The following STK33 variants were observed in gnomAD, a reference collection of about 807,000 sequenced individuals.
STK33 encodes the protein serine/threonine-protein kinase 33.
A neutral mutation model predicts 58.0 loss-of-function variants in STK33; 52 were observed. The ratio of observed to expected loss-of-function variants is 0.90; its 90% CI spans 0.72 to 1.13. The LOEUF is 1.13. STK33 is among the 50% of genes most tolerant of loss of function. The probability of loss-of-function intolerance (pLI) is 0.00; values close to 1 mark genes in which losing one functional copy is unlikely to be tolerated. For missense variants in STK33, 630 were observed against 604.2 expected, an observed-to-expected ratio of 1.04 and a Z score of -0.45; for synonymous variants, 215 against 200.1, an observed-to-expected ratio of 1.07 and a Z score of -0.63.
intron 1 of STK33, among the ~76,000 whole-genome samples, chr11:8,558,269 T>G (rs893448016): frequency 3.3e-5 from 5 of 152,154 alleles, no homozygotes; most frequent in Admixed American, 6.6e-5. Context: ...TTCAAAGAGA[T>G]ATAGTCAGTT....
At chr11:8,374,372 C>T in the STK33 span, among the ~76,000 whole-genome samples, 1 of 152,198 alleles carries the variant, frequency 6.6e-6, no homozygotes, top group African/African-American at 2.4e-5. Flanking sequence ...TAATAAAATA[C>T]CACAAACCGT....
Position 8,454,748 on chromosome 11 carries a change from A to T in STK33, c.782T>A (p.Ile261Lys). 6.4e-7 allele frequency: 1 copy of T among 1,570,296 alleles called. No homozygotes were observed. Among genetic ancestry groups the T allele is most frequent in the Non-Finnish European group, 8.6e-7 (1 of 1,157,726 alleles). Residue 261 changes from isoleucine to lysine, a missense_variant, in exon 10 of 16, where the codon ATA (isoleucine) becomes AAA (lysine). Coordinates refer to ENST00000687296, the MANE Select transcript of STK33 (RefSeq NM_001352389.2). The part of the protein sequence containing the change: ...IDDNNEINLN[I>K]KVTDFGLAVK... ...TACCACCATTGCTAATCTTACCTTT[A>T]TGTTTAAGTTTATTTCATTGTTATC...
At chr11:8,489,948 A>G (rs1346128805) in intron 1 of STK33, among the ~76,000 whole-genome samples, 1 of 152,150 alleles carries the variant, frequency 6.6e-6, no homozygotes, top group East Asian at 1.9e-4. Context: ...ACAGGATCCC[A>G]TTCCAAGATG....
the STK33 span, among the ~76,000 whole-genome samples, chr11:8,373,199 G>A: frequency 3.3e-5 from 5 of 152,156 alleles, no homozygotes; most frequent in South Asian, 4.1e-4. Flanking sequence ...AGAAGGACGC[G>A]AGGCCTCTGA....
chr11:8,413,441 G>A, intron 15 of STK33, 54 bp downstream of exon 15: 1 of 1,582,968 alleles, frequency 6.3e-7, no homozygotes, highest in Middle Eastern at 1.7e-4. Context: ...AAATGTTCCA[G>A]GTGTGGTGAG....
At chr11:8,500,958 T>A (rs533634497) in intron 1 of STK33, among the ~76,000 whole-genome samples, 1 of 152,128 alleles carries the variant, frequency 6.6e-6, no homozygotes, top group Non-Finnish European at 1.5e-5. Flanking sequence ...AACAGTCTTT[T>A]CAGCAAATGG....
At chr11:8,492,132 T>TAAATGTA (rs1950667281) in intron 1 of STK33, among the ~76,000 whole-genome samples, 1 of 152,150 alleles carries the variant, frequency 6.6e-6, no homozygotes, top group Non-Finnish European at 1.5e-5. Flanking sequence ...ATGCCCCAAT[T>TAAATGTA]AAAAGACACA....
chr11:8,352,371 G>C, the STK33 span, among the ~76,000 whole-genome samples: 2 of 152,160 alleles, frequency 1.3e-5, no homozygotes, highest in African/African-American at 4.8e-5. Context: ...TCCCAGGACT[G>C]TGGTATTGTC....
intron 11 of STK33, among the ~76,000 whole-genome samples, chr11:8,448,884 T>A (rs78012841): frequency 0.39 from 58,874 of 151,554 alleles, 12,218 homozygotes; most frequent in South Asian, 0.56. Context: ...AATCTACTCA[T>A]CTGACAAAGG....
At chr11:8,584,310 G>A (rs958284853) in intron 1 of STK33, among the ~76,000 whole-genome samples, 1 of 152,102 alleles carries the variant, frequency 6.6e-6, no homozygotes, top group Admixed American at 6.6e-5. Flanking sequence ...GAGGATTCCA[G>A]AACAAAGTCC....
At chr11:8,426,748 G>T (rs1942819874) in intron 14 of STK33, among the ~76,000 whole-genome samples, 1 of 151,800 alleles carries the variant, frequency 6.6e-6, no homozygotes, top group African/African-American at 2.4e-5. Context: ...CTTTATTTGG[G>T]TTTACTCTGT....
the STK33 span, among the ~76,000 whole-genome samples, chr11:8,383,652 A>G: frequency 6.6e-6 from 1 of 152,246 alleles, no homozygotes; most frequent in Middle Eastern, 3.2e-3. Context: ...ATTCAGATTC[A>G]ATTAATCAAG....
rs61875888 is a variant in STK33, at chr11:8,534,578, G to C, written c.-465-53964C>G. Among the ~76,000 whole-genome samples, 167 of 135,362 alleles carry C rather than the reference G, an allele frequency of 1.2e-3. 5 individuals carry two copies. The highest frequency in any genetic ancestry group is 1.1e-3 in the Non-Finnish European group (64 of 60,266). The allele number at this position is 135,362 out of a possible 152,430, so 88.8% of individuals were successfully genotyped here. A position where few individuals can be genotyped will look rare whatever the true frequency, so the allele number is the denominator to read the frequency against. On this transcript the variant is annotated intron_variant, in intron 1 of 15. Coordinates refer to ENST00000687296, the MANE Select transcript of STK33 (RefSeq NM_001352389.2). ...TCTCTCTCTCTCTCTCTGTGTGTGT[G>C]TGTGTGTGTGTGTGTGTGTGTGTCA...
intron 1 of STK33, among the ~76,000 whole-genome samples, chr11:8,552,926 G>A (rs981931676): frequency 1.3e-5 from 2 of 151,628 alleles, no homozygotes; most frequent in Non-Finnish European, 1.5e-5. Context: ...CAAGGCAGAA[G>A]GATCGCTTGA....
At chr11:8,526,818 T>G (rs1954068767) in intron 1 of STK33, among the ~76,000 whole-genome samples, 1 of 116,932 alleles carries the variant, frequency 8.6e-6, no homozygotes, top group African/African-American at 3.3e-5. Context: ...ATATTACAAA[T>G]GATACTGAGC....
intron 6 of STK33, among the ~76,000 whole-genome samples, chr11:8,471,879 A>T (rs1948811694): frequency 6.6e-6 from 1 of 152,134 alleles, no homozygotes; most frequent in Non-Finnish European, 1.5e-5. Context: ...TTCACAATGA[A>T]CATATTTTGC....
the STK33 span, among the ~76,000 whole-genome samples, chr11:8,378,220 G>A: frequency 6.6e-6 from 1 of 152,108 alleles, no homozygotes. Flanking sequence ...GAGCGAAGTG[G>A]GGGGAAGCCC....
chr11:8,393,985 G>C (rs1242880976), intron 15 of STK33, among the ~76,000 whole-genome samples: 1 of 152,060 alleles, frequency 6.6e-6, no homozygotes, highest in Non-Finnish European at 1.5e-5. Flanking sequence ...TTTATAACCA[G>C]TATATGCTAA....
chr11:8,420,966 G>C (rs1304413099), intron 14 of STK33, among the ~76,000 whole-genome samples: 1 of 148,198 alleles, frequency 6.7e-6, no homozygotes, highest in East Asian at 2.1e-4. Context: ...CTGGGTAACA[G>C]AGCAAGGCCC....
Sources: allele counts gnomAD v4.1 joint callset (sites outside exome capture counted in the v4.1 genomes callset), GRCh38; gene constraint gnomAD v4.1.1; transcripts MANE v1.5; gene names NCBI Gene and HGNC (gene_info 2026-07-23, HGNC 2026-07-21).